CASR: variants seen among roughly 807,000 people sequenced by gnomAD.
The protein encoded by CASR is extracellular calcium-sensing receptor.
In CASR, 23 loss-of-function variants were observed where a neutral mutation model predicts 69.1. The observed-to-expected ratio is 0.33, with a 90% CI of 0.24 to 0.47. CASR has a LOEUF of 0.47. Among genes scored for constraint, CASR ranks in the 20% least tolerant of loss-of-function variants. The pLI, the probability that CASR is intolerant of heterozygous loss-of-function variation, is 1.00. For missense variants in CASR, 924 were observed against 1,356.1 expected, an observed-to-expected ratio of 0.68 and a Z score of 5.00; for synonymous variants, 541 against 544.7, an observed-to-expected ratio of 0.99 and a Z score of 0.10.
chr3:122,200,993 T>TG (rs1220123744), intron 1 of CASR, among the ~76,000 whole-genome samples: 903 of 84,090 alleles, frequency 0.011, 10 homozygotes, highest in Non-Finnish European at 0.021. Flanking sequence ...CCATTGCTTT[T>TG]CTTTTTTTTT....
At chr3:122,185,580 A>G (rs1305337430) in intron 1 of CASR, among the ~76,000 whole-genome samples, 16 of 152,244 alleles carry the variant, frequency 1.1e-4, no homozygotes, top group Admixed American at 9.8e-4. Flanking sequence ...TACTGAGAGA[A>G]ATAATGCAGG....
chr3:122,258,380 G>A (rs1472470358), intron 3 of CASR, among the ~76,000 whole-genome samples: 2 of 83,670 alleles, frequency 2.4e-5, no homozygotes, highest in African/African-American at 4.2e-5. Context: ...TTTTTTTTTG[G>A]TGATTGCCAT....
In CASR at chr3:122,257,323, G is replaced by A. The variant is rs121909264; in HGVS notation, c.428G>A (p.Gly143Glu). Residue 143 changes from glycine to glutamate, a missense_variant, in exon 3 of 7, where the codon GGA (glycine) becomes GAA (glutamate). Around this residue, in one of 8 missense-constraint regions of CASR, gnomAD observed 141 missense variants for 283.0 expected, o/e 0.50. Transcript: ENST00000639785. ...ATTCCCTCTACGATTGCTGTGGTGG[G>A]AGCAACTGGCTCAGGCGTCTCCACG... ...EHIPSTIAVV[G>E]ATGSGVSTAV... is the part of the protein sequence containing the mutation. 6.2e-7 allele frequency: 1 copy of A among 1,614,130 alleles called. No homozygotes were observed. The highest frequency in any genetic ancestry group is 8.5e-7 in the Non-Finnish European group (1 of 1,179,992).
chr3:122,245,446 G>A (rs1323030243), intron 1 of CASR: 1 of 152,116 alleles, frequency 6.6e-6, no homozygotes, highest in Non-Finnish European at 1.5e-5. Context: ...TAACATTTCG[G>A]TGTGTATCCT....
intron 1 of CASR, among the ~76,000 whole-genome samples, chr3:122,200,309 T>C (rs551049429): frequency 3.0e-4 from 45 of 152,354 alleles, no homozygotes; most frequent in Middle Eastern, 3.4e-3. Context: ...TGTATACATG[T>C]ATTGAAATAT....
intron 1 of CASR, among the ~76,000 whole-genome samples, chr3:122,210,285 G>A (rs2074050147): frequency 6.6e-6 from 1 of 152,158 alleles, no homozygotes. Flanking sequence ...TAGGAAGAGA[G>A]GAAGTCAAAC....
At chr3:122,203,397 G>A (rs2073976673) in intron 1 of CASR, among the ~76,000 whole-genome samples, 1 of 152,152 alleles carries the variant, frequency 6.6e-6, no homozygotes, top group Admixed American at 6.5e-5. Flanking sequence ...AGATGGTATA[G>A]CCTACTTACA....
intron 1 of CASR, among the ~76,000 whole-genome samples, chr3:122,236,433 G>A (rs950257792): frequency 1.3e-5 from 2 of 152,162 alleles, no homozygotes; most frequent in Non-Finnish European, 2.9e-5. Flanking sequence ...TCCTGACAGG[G>A]AGACATGTTC....
intron 1 of CASR, among the ~76,000 whole-genome samples, chr3:122,228,875 GAC>G (rs1182359683): frequency 6.6e-6 from 1 of 152,102 alleles, no homozygotes; most frequent in African/African-American, 2.4e-5. Flanking sequence ...TCCACACCAT[GAC>G]ACCTGACCCT....
chr3:122,229,701 A>C (rs550188868), intron 1 of CASR, among the ~76,000 whole-genome samples: 80 of 152,270 alleles, frequency 5.3e-4, no homozygotes, highest in African/African-American at 1.9e-3. Flanking sequence ...ACCTCTACTA[A>C]AAATACAAAA....
In CASR at chr3:122,234,814, G is replaced by A. The variant is rs150483681; in HGVS notation, c.-242-19134G>A. Among the ~76,000 whole-genome samples, 38 of 152,282 alleles carry A rather than the reference G, an allele frequency of 2.5e-4. No homozygotes were observed. The East Asian group carries it at 3.5e-3, about 14-fold the overall frequency. On this transcript the variant is annotated intron_variant, in intron 1 of 6. Coordinates refer to ENST00000639785, the MANE Select transcript of CASR (RefSeq NM_000388.4). ...AGTTTATCTGAGACAGTGTTCCTCC[G>A]GACCAGCTTCGGGTGTCATTAGCAA...
At chr3:122,259,168 T>C (rs2074590894) in intron 3 of CASR, among the ~76,000 whole-genome samples, 1 of 152,204 alleles carries the variant, frequency 6.6e-6, no homozygotes, top group African/African-American at 2.4e-5. Context: ...AAAAACTTGG[T>C]AAACATTATA....
At chr3:122,272,102 C>T (rs200619375) in intron 4 of CASR, among the ~76,000 whole-genome samples, 15,106 of 151,600 alleles carry the variant, frequency 0.1, 1,441 homozygotes, top group East Asian at 0.51. Context: ...CACACACACA[C>T]ACACACACAC....
chr3:122,193,122 C>T (rs1249745146), intron 1 of CASR, among the ~76,000 whole-genome samples: 1 of 151,880 alleles, frequency 6.6e-6, no homozygotes, highest in African/African-American at 2.4e-5. Context: ...TTATTTGAAC[C>T]TTTTCATTTC....
At chr3:122,271,837 T>C (rs1330847712) in intron 4 of CASR, among the ~76,000 whole-genome samples, 2 of 152,224 alleles carry the variant, frequency 1.3e-5, no homozygotes, top group African/African-American at 4.8e-5. Flanking sequence ...GGATATTTCA[T>C]ATAAATAAAA....
intron 1 of CASR, among the ~76,000 whole-genome samples, chr3:122,235,914 T>A (rs769114981): frequency 2.4e-4 from 37 of 152,308 alleles, no homozygotes; most frequent in Non-Finnish European, 4.1e-4. Context: ...GGTCTAGCAA[T>A]GGCTTTCAAA....
chr3:122,283,981 C>T lies in CASR; in HGVS notation c.2027C>T (p.Thr676Met), dbSNP rs768204447. ...TTCATCGGGGAGCCCCAGGACTGGA[C>T]GTGCCGCCTGCGCCAGCCGGCCTTT... ...LFFIGEPQDWTCRLRQPAFGI... is the reference protein window; with the variant it reads ...LFFIGEPQDWMCRLRQPAFGI... Residue 676 changes from threonine (T) to methionine (M), a missense_variant, in exon 7 of 7, where the codon ACG (threonine) becomes ATG (methionine). Physicochemically the swap from Thr to Met is moderately conservative, Grantham distance 81 (BLOSUM62 -1). Coordinates refer to ENST00000639785, the MANE Select transcript of CASR (RefSeq NM_000388.4). The T allele has an allele frequency of 6.2e-6, 10 of 1,613,658 alleles. No homozygotes were observed. In the South Asian group the frequency reaches 6.6e-5, roughly 11 times the overall value.
intron 1 of CASR, among the ~76,000 whole-genome samples, chr3:122,187,221 T>G (rs1381740115): frequency 6.6e-6 from 1 of 152,198 alleles, no homozygotes; most frequent in Non-Finnish European, 1.5e-5. Flanking sequence ...TGGGCTGTAA[T>G]ATCTTCCTTC....
intron 1 of CASR, among the ~76,000 whole-genome samples, chr3:122,211,387 T>C (rs1437109265): frequency 2.0e-5 from 3 of 151,812 alleles, no homozygotes; most frequent in Non-Finnish European, 4.4e-5. Context: ...TAAACAAATT[T>C]ACAAGAAAAA....
Sources: allele counts gnomAD v4.1 joint callset (sites outside exome capture counted in the v4.1 genomes callset), GRCh38; gene constraint gnomAD v4.1.1; regional missense constraint gnomAD v4.1.1; transcripts MANE v1.5; gene names NCBI Gene and HGNC (gene_info 2026-07-23, HGNC 2026-07-21).